Variants in KCTD12 observed in about 807,000 individuals in gnomAD.
The protein encoded by KCTD12 is BTB/POZ domain-containing protein KCTD12.
A neutral mutation model predicts 22.6 loss-of-function variants in KCTD12; 16 were observed. The observed-to-expected ratio is 0.71, with a 90% CI of 0.48 to 1.07. The LOEUF (loss-of-function observed/expected upper bound fraction) is 1.07, where lower values mean the gene tolerates loss of function less well. Ranked by LOEUF, KCTD12 falls within the 50% of genes least tolerant of loss-of-function variation. KCTD12 has a pLI of 0.00. For synonymous variants in KCTD12, 260 were observed against 228.0 expected (o/e 1.14, Z -1.26); for missense variants, 452 against 469.2 (o/e 0.96, Z 0.34).
At position 76,885,933 on chromosome 13, in the gene KCTD12, C is replaced by T. The variant is rs694997; in HGVS notation, c.216G>A (p.Leu72=). ...RMFTQQQPQE[L]ARDSKGRFFL... is the part of the protein sequence containing the mutation. ...AGAAGCGGCCTTTGCTGTCCCGGGCCAGCTCCTGCGGCTGCTGCTGCGTGA... is the reference window on the plus strand; with the variant it reads ...AGAAGCGGCCTTTGCTGTCCCGGGCTAGCTCCTGCGGCTGCTGCTGCGTGA... Residue 72 remains leucine, a synonymous_variant, in exon 1 of 1, where the codon CTG becomes CTA. Coordinates refer to ENST00000377474, the MANE Select transcript of KCTD12 (RefSeq NM_138444.4). The surrounding 1 kb of genome is among the most constrained non-coding windows in gnomAD (Gnocchi z 5.1). 1.8e-3 allele frequency: 2,849 copies of T among 1,593,870 alleles called. 40 individuals carry two copies. In the African/African-American group the frequency reaches 0.027, roughly 15 times the overall value.
chr13:76,885,123 G>A lies in KCTD12; in HGVS notation c.*48C>T, dbSNP rs373579827. The A allele has an allele frequency of 1.5e-5, 24 of 1,577,268 alleles. No homozygotes were observed. Among genetic ancestry groups the A allele is most frequent in the Middle Eastern group, 1.8e-4 (1 of 5,624 alleles). On this transcript the variant is annotated 3_prime_UTR_variant, in exon 1 of 1. Transcript: ENST00000377474. This position sits in a 1 kb window ranked among gnomAD's most constrained non-coding sequence, Gnocchi z 5.1. ...ACAAGAGGCTCTGTAATCATCTCTC[G>A]GGCAGGAGAAGGACTGGGCGCTGGA... is the stretch of plus-strand genomic sequence containing the variant.
rs1566375394 is a variant in KCTD12, at chr13:76,885,195, G to C, written c.954C>G (p.Thr318=). Residue 318 remains threonine (T), a synonymous_variant, in exon 1 of 1, where the codon ACC becomes ACG. Transcript: ENST00000377474. This position sits in a 1 kb window ranked among gnomAD's most constrained non-coding sequence, Gnocchi z 5.1. ...QSEDKIWTSY[T]EYVFCRE ...CTCACTCCCTGCAGAAGACGTACTC[G>C]GTGTAGCTGGTCCAGATCTTGTCCT... 1 of 1,613,832 alleles carries C rather than the reference G, an allele frequency of 6.2e-7. No individual in the cohort carries two copies. Among genetic ancestry groups the C allele is most frequent in the East Asian group, 2.2e-5 (1 of 44,856 alleles).
Position 76,883,679 on chromosome 13 carries a change from T to C in KCTD12, c.*1492A>G, listed in dbSNP as rs1248882017. ...TTGGTGCTGAGTTCTCTGCAGCTCG[T>C]CATTTGAAAGGATTCCACTTAACTT... On this transcript the variant is annotated 3_prime_UTR_variant, in exon 1 of 1. Transcript: ENST00000377474. The C allele has an allele frequency of 2.6e-5, 4 of 152,650 alleles. No individual in the cohort carries two copies. The highest frequency in any genetic ancestry group is 5.9e-5 in the Non-Finnish European group (4 of 68,044). 9.5% of individuals were successfully genotyped at this position (152,650 alleles called of 1,614,324 possible). A position where few individuals can be genotyped will look rare whatever the true frequency, so the allele number is the denominator to read the frequency against.
chr13:76,881,252 C>T lies in KCTD12; in HGVS notation c.*3919G>A, dbSNP rs571965869. On this transcript the variant is annotated 3_prime_UTR_variant, in exon 1 of 1. Coordinates refer to ENST00000377474, the MANE Select transcript of KCTD12 (RefSeq NM_138444.4). Reference sequence around the variant, plus strand: ...AATATTCAGTTTACTATTTTAAAAACTAAATTGAGTAAAGTATTTGTGATT... The same window carrying T: ...AATATTCAGTTTACTATTTTAAAAATTAAATTGAGTAAAGTATTTGTGATT... The T allele has an allele frequency of 6.6e-6, 1 of 152,250 alleles. No individual in the cohort carries two copies. The highest frequency in any genetic ancestry group is 2.1e-4 in the South Asian group (1 of 4,828). The allele number at this position is 152,250 out of a possible 1,614,324, so 9.4% of individuals were successfully genotyped here.
At position 76,885,840 on chromosome 13, in the gene KCTD12, C is replaced by G. The variant is rs1168450951; in HGVS notation, c.309G>C (p.Leu103=). 6.3e-7 allele frequency: 1 copy of G among 1,596,214 alleles called. No homozygotes were observed. Among genetic ancestry groups the G allele is most frequent in the East Asian group, 2.2e-5 (1 of 44,672 alleles). The change falls in exon 1 of 1, where the codon CTG becomes CTC. Residue 103 remains leucine (L), a synonymous_variant. Coordinates refer to ENST00000377474, the MANE Select transcript of KCTD12 (RefSeq NM_138444.4). This position sits in a 1 kb window ranked among gnomAD's most constrained non-coding sequence, Gnocchi z 5.1. Reference sequence around the variant, plus strand: ...GGCTGCGCTCGGGGAAGTAGTCGGGCAGCACGAGCTGCAAGTCCCGCAGGT... The same window carrying G: ...GGCTGCGCTCGGGGAAGTAGTCGGGGAGCACGAGCTGCAAGTCCCGCAGGT... ...LDYLRDLQLV[L]PDYFPERSRL...
In KCTD12 at chr13:76,881,800, C is replaced by T. The variant is rs2033206532; in HGVS notation, c.*3371G>A. ...GGTCCACATGTATTAAAAAACATGTCAATTACTTGGTGCAAACACACAGAA... is the reference window on the plus strand; with the variant it reads ...GGTCCACATGTATTAAAAAACATGTTAATTACTTGGTGCAAACACACAGAA... On this transcript the variant is annotated 3_prime_UTR_variant, in exon 1 of 1. Transcript: ENST00000377474. 6.8e-6 allele frequency: 1 copy of T among 146,924 alleles called. No homozygotes were observed. Among genetic ancestry groups the T allele is most frequent in the Non-Finnish European group, 1.5e-5 (1 of 66,958 alleles). 9.1% of individuals were successfully genotyped at this position (146,924 alleles called of 1,614,324 possible).
Position 76,881,842 on chromosome 13 carries a change from T to G in KCTD12, c.*3329A>C, listed in dbSNP as rs1314225122. On this transcript the variant is annotated 3_prime_UTR_variant, in exon 1 of 1. Transcript: ENST00000377474. The stretch of plus-strand genomic sequence containing the variant: ...CACACAGAACCTGGTACCTGTTTTT[T>G]TTTTTTTTTTAACCACCATTGTCTA... 2.6e-5 allele frequency: 4 copies of G among 151,610 alleles called. No homozygotes were observed. The highest frequency in any genetic ancestry group is 5.9e-5 in the Non-Finnish European group (4 of 67,832). The allele number at this position is 151,610 out of a possible 1,614,324, so 9.4% of individuals were successfully genotyped here. A position where few individuals can be genotyped will look rare whatever the true frequency, so the allele number is the denominator to read the frequency against.
rs1206859449 is a variant in KCTD12, at chr13:76,884,204, G to C, written c.*967C>G. 9.0e-6 allele frequency: 1 copy of C among 111,004 alleles called. No individual in the cohort carries two copies. Among genetic ancestry groups the C allele is most frequent in the Non-Finnish European group, 1.6e-5 (1 of 60,790 alleles). The allele number at this position is 111,004 out of a possible 1,614,324, so 6.9% of individuals were successfully genotyped here. A position where few individuals can be genotyped will look rare whatever the true frequency, so the allele number is the denominator to read the frequency against. ...CCACCAAGTCTTACAGCTAAAGGAA[G>C]GTCCTACTGACATTCATTGAAAGAA... On this transcript the variant is annotated 3_prime_UTR_variant, in exon 1 of 1. Coordinates refer to ENST00000377474, the MANE Select transcript of KCTD12 (RefSeq NM_138444.4).
rs77722756 is a variant in KCTD12 at position 76,881,376 on chromosome 13, C to T, written c.*3795G>A. 6.6e-6 allele frequency: 1 copy of T among 152,478 alleles called. No individual in the cohort carries two copies. Among genetic ancestry groups the T allele is most frequent in the Non-Finnish European group, 1.5e-5 (1 of 67,994 alleles). The allele number at this position is 152,478 out of a possible 1,614,324, so 9.4% of individuals were successfully genotyped here. On this transcript the variant is annotated 3_prime_UTR_variant, in exon 1 of 1. Coordinates refer to ENST00000377474, the MANE Select transcript of KCTD12 (RefSeq NM_138444.4). Reference sequence around the variant, plus strand: ...TTAGCATTTTGCATGTGGGAGTACACAAATGAATTGAATATTGGATCAGAA... The same window carrying T: ...TTAGCATTTTGCATGTGGGAGTACATAAATGAATTGAATATTGGATCAGAA...
Position 76,885,709 on chromosome 13 carries a change from T to G in KCTD12, c.440A>C (p.His147Pro). Reference sequence around the variant, plus strand: ...CTCGTCACCCAGCGAGCCCTCCTTGTGCACCCCGCGCCGCGAGGGCGGCGG... The same window carrying G: ...CTCGTCACCCAGCGAGCCCTCCTTGGGCACCCCGCGCCGCGAGGGCGGCGG... ...PGPPPSRRGV[H>P]KEGSLGDELL... Residue 147 changes from histidine (H) to proline (P), a missense_variant, in exon 1 of 1, where the codon CAC becomes CCC. Physicochemically the swap from His to Pro is moderately conservative, Grantham distance 77. This residue lies in a region of KCTD12 where 330 missense variants were observed against 296.5 expected (regional missense o/e 1.11). Transcript: ENST00000377474. This position sits in a 1 kb window ranked among gnomAD's most constrained non-coding sequence, Gnocchi z 5.1. The G allele has an allele frequency of 7.1e-7, 1 of 1,413,688 alleles. No individual in the cohort carries two copies. The highest frequency in any genetic ancestry group is 9.1e-7 in the Non-Finnish European group (1 of 1,097,808). 87.6% of individuals were successfully genotyped at this position (1,413,688 alleles called of 1,614,324 possible). A position where few individuals can be genotyped will look rare whatever the true frequency, so the allele number is the denominator to read the frequency against.
In KCTD12 at chr13:76,880,685, G is replaced by A. The variant is rs1344324362; in HGVS notation, c.*4486C>T. ...AATGGTTACTAACGCTGTTTGAGTG[G>A]TCATAAATGAATTGTCATTTGTATT... On this transcript the variant is annotated 3_prime_UTR_variant, in exon 1 of 1. Transcript: ENST00000377474. 6.6e-6 allele frequency: 1 copy of A among 152,474 alleles called. No homozygotes were observed. The highest frequency in any genetic ancestry group is 2.4e-5 in the African/African-American group (1 of 41,394). The allele number at this position is 152,474 out of a possible 1,614,324, so 9.4% of individuals were successfully genotyped here.
rs1429963286 is a variant in KCTD12 at position 76,880,748 on chromosome 13, C to T, written c.*4423G>A. 3 of 152,308 alleles carry T rather than the reference C, an allele frequency of 2.0e-5. No homozygotes were observed. Among genetic ancestry groups the T allele is most frequent in the Non-Finnish European group, 4.4e-5 (3 of 67,994 alleles). The allele number at this position is 152,308 out of a possible 1,614,324, so 9.4% of individuals were successfully genotyped here. A position where few individuals can be genotyped will look rare whatever the true frequency, so the allele number is the denominator to read the frequency against. The stretch of plus-strand genomic sequence containing the variant: ...CAAAATTTACCTGCCTATAAAGTCG[C>T]AAAAACAGTTGTATAATAGTTTACA... On this transcript the variant is annotated 3_prime_UTR_variant, in exon 1 of 1. Transcript: ENST00000377474.
rs2033276149 is a variant in KCTD12 at position 76,886,328 on chromosome 13, G to C, written c.-180C>G. 3.3e-6 allele frequency: 2 copies of C among 599,074 alleles called. No homozygotes were observed. The highest frequency in any genetic ancestry group is 1.6e-4 in the South Asian group (2 of 12,762). The allele number at this position is 599,074 out of a possible 1,614,324, so 37.1% of individuals were successfully genotyped here. ...ACCTCCTAGAGCCGCGCGGAGCCGAGCGGTGCGAGCGCGCCGCTGTGCGCC... is the reference window on the plus strand; with the variant it reads ...ACCTCCTAGAGCCGCGCGGAGCCGACCGGTGCGAGCGCGCCGCTGTGCGCC... On this transcript the variant is annotated 5_prime_UTR_variant, in exon 1 of 1. Coordinates refer to ENST00000377474, the MANE Select transcript of KCTD12 (RefSeq NM_138444.4).
rs1353338279 is a variant in KCTD12, at chr13:76,885,163, T to TG, written c.*7dup. 3.7e-6 allele frequency: 6 copies of TG among 1,609,208 alleles called. No homozygotes were observed. Among genetic ancestry groups the TG allele is most frequent in the East Asian group, 2.2e-5 (1 of 44,744 alleles). ...TGGGCGCTGGAGTGGCGAGGGGGTCTGGGGAGCTCACTCCCTGCAGAAGAC... is the reference window on the plus strand; with the variant it reads ...TGGGCGCTGGAGTGGCGAGGGGGTCTGGGGGAGCTCACTCCCTGCAGAAGAC... On this transcript the variant is annotated 3_prime_UTR_variant, in exon 1 of 1. Coordinates refer to ENST00000377474, the MANE Select transcript of KCTD12 (RefSeq NM_138444.4). The surrounding 1 kb of genome is among the most constrained non-coding windows in gnomAD (Gnocchi z 5.1).
Position 76,886,272 on chromosome 13 carries a change from C to A in KCTD12, c.-124G>T. ...CAGCCCTGCGCCCCGCCGCCGCCGC[C>A]GCCGCCACCGCCGCCACCGCCACCG... On this transcript the variant is annotated 5_prime_UTR_variant, in exon 1 of 1. Coordinates refer to ENST00000377474, the MANE Select transcript of KCTD12 (RefSeq NM_138444.4). 2 of 986,236 alleles carry A rather than the reference C, an allele frequency of 2.0e-6. No individual in the cohort carries two copies. The highest frequency in any genetic ancestry group is 2.6e-6 in the Non-Finnish European group (2 of 759,740). 61.1% of individuals were successfully genotyped at this position (986,236 alleles called of 1,614,324 possible).
chr13:76,886,103 C>G lies in KCTD12; in HGVS notation c.46G>C (p.Gly16Arg). The G allele has an allele frequency of 6.5e-7, 1 of 1,542,370 alleles. No individual in the cohort carries two copies. Residue 16 changes from glycine to arginine, a missense_variant, in exon 1 of 1, where the codon GGC becomes CGC. Coordinates refer to ENST00000377474, the MANE Select transcript of KCTD12 (RefSeq NM_138444.4). Reference protein sequence around the residue: ...STRGLPNGGGGGGGSGSSSSS... With the variant: ...STRGLPNGGGRGGGSGSSSSS... ...GACGAGGAGCCACTGCCGCCCCCGC[C>G]GCCGCCCCCGTTGGGTAATCCACGT...
rs2033247217 is a variant in KCTD12, at chr13:76,885,077, C to A, written c.*94G>T. Reference sequence around the variant, plus strand: ...CTGGAGGGGGAGAATGGGAGGGCAGCAGCCAGGGGACAAAGGTGGGACAAG... The same window carrying A: ...CTGGAGGGGGAGAATGGGAGGGCAGAAGCCAGGGGACAAAGGTGGGACAAG... On this transcript the variant is annotated 3_prime_UTR_variant, in exon 1 of 1. Coordinates refer to ENST00000377474, the MANE Select transcript of KCTD12 (RefSeq NM_138444.4). The surrounding 1 kb of genome is among the most constrained non-coding windows in gnomAD (Gnocchi z 5.1). 1 of 1,417,840 alleles carries A rather than the reference C, an allele frequency of 7.1e-7. No individual in the cohort carries two copies. Among genetic ancestry groups the A allele is most frequent in the Non-Finnish European group, 9.6e-7 (1 of 1,046,906 alleles). The allele number at this position is 1,417,840 out of a possible 1,614,324, so 87.8% of individuals were successfully genotyped here. A position where few individuals can be genotyped will look rare whatever the true frequency, so the allele number is the denominator to read the frequency against.
chr13:76,886,168 C>T lies in KCTD12; in HGVS notation c.-20G>A, dbSNP rs2033270185. On this transcript the variant is annotated 5_prime_UTR_variant, in exon 1 of 1. Coordinates refer to ENST00000377474, the MANE Select transcript of KCTD12 (RefSeq NM_138444.4). Reference sequence around the variant, plus strand: ...AGCCATGACAGAGAGGTGGCCGGGCCGGGACAGTGGCAGGAAGCCGCGCTG... The same window carrying T: ...AGCCATGACAGAGAGGTGGCCGGGCTGGGACAGTGGCAGGAAGCCGCGCTG... 7 of 1,457,410 alleles carry T rather than the reference C, an allele frequency of 4.8e-6. No homozygotes were observed. The highest frequency in any genetic ancestry group is 1.5e-5 in the African/African-American group (1 of 68,152). 90.3% of individuals were successfully genotyped at this position (1,457,410 alleles called of 1,614,324 possible).
In KCTD12 at chr13:76,885,235, C is replaced by T; in HGVS notation, c.914G>A (p.Ser305Asn). The part of the protein sequence containing the change: ...SSTGTCAFAS[S>N]TDQSEDKIWT... ...GATCTTGTCCTCGCTCTGGTCGGTG[C>T]TGCTGGCAAAGGCGCAGGTGCCCGT... The change falls in exon 1 of 1, where the codon AGC becomes AAC. Residue 305 changes from serine (S) to asparagine (N), a missense_variant. By Grantham distance (46) the Ser-to-Asn change is conservative (BLOSUM62 1). Around this residue, in one of 2 missense-constraint regions of KCTD12, gnomAD observed 122 missense variants for 172.8 expected, o/e 0.71. Coordinates refer to ENST00000377474, the MANE Select transcript of KCTD12 (RefSeq NM_138444.4). The surrounding 1 kb of genome is among the most constrained non-coding windows in gnomAD (Gnocchi z 5.1). 6.2e-7 allele frequency: 1 copy of T among 1,614,126 alleles called. No homozygotes were observed. The highest frequency in any genetic ancestry group is 2.2e-5 in the East Asian group (1 of 44,864).
Sources: allele counts gnomAD v4.1 joint callset, GRCh38; gene constraint gnomAD v4.1.1; regional missense constraint gnomAD v4.1.1; non-coding constraint Gnocchi (gnomAD v3.1); transcripts MANE v1.5; gene names NCBI Gene and HGNC (gene_info 2026-07-23, HGNC 2026-07-21).